Variants in GALNTL6 observed in about 807,000 individuals in gnomAD.
The protein encoded by GALNTL6 is polypeptide N-acetylgalactosaminyltransferase-like 6.
In GALNTL6, 46 loss-of-function variants were observed where a neutral mutation model predicts 73.7. That is an observed-to-expected ratio of 0.62 (90% CI 0.49 to 0.80). The LOEUF (loss-of-function observed/expected upper bound fraction) is 0.80. GALNTL6 is among the 30% of genes least tolerant of loss of function. The pLI is 0.00. For missense variants in GALNTL6, 604 were observed against 755.0 expected (o/e 0.80, Z 2.34); for synonymous variants, 259 against 263.7 (o/e 0.98, Z 0.17).
At chr4:172,581,607 A>AC (rs1470160356) in intron 5 of GALNTL6, among the ~76,000 whole-genome samples, 1 of 152,074 alleles carries the variant, frequency 6.6e-6, no homozygotes, top group African/African-American at 2.4e-5. Context: ...TCCTTCCTGG[A>AC]CCCAACCACA....
At chr4:172,845,385 C>G (rs952238148) in intron 7 of GALNTL6, among the ~76,000 whole-genome samples, 6 of 152,064 alleles carry the variant, frequency 3.9e-5, no homozygotes, top group Non-Finnish European at 7.4e-5. Context: ...GTGCACTACT[C>G]TTATGTAGAG....
intron 2 of GALNTL6, among the ~76,000 whole-genome samples, chr4:171,852,405 C>T (rs1189068524): frequency 1.3e-5 from 2 of 151,898 alleles, no homozygotes; most frequent in Non-Finnish European, 2.9e-5. Context: ...CTTAAAGAAA[C>T]TTGAAAACTA....
intron 5 of GALNTL6, among the ~76,000 whole-genome samples, chr4:172,578,102 A>G (rs1025973983): frequency 2.0e-5 from 3 of 152,204 alleles, no homozygotes; most frequent in Non-Finnish European, 4.4e-5. Context: ...TGAGATAGGC[A>G]GTACTCATGT....
At chr4:172,400,941 C>A (rs1744012753) in intron 5 of GALNTL6, among the ~76,000 whole-genome samples, 1 of 152,008 alleles carries the variant, frequency 6.6e-6, no homozygotes, top group African/African-American at 2.4e-5. Context: ...GAAATGAAAC[C>A]TAGGTCCAAA....
At chr4:172,364,524 G>A (rs1416123532) in intron 5 of GALNTL6, among the ~76,000 whole-genome samples, 3 of 152,148 alleles carry the variant, frequency 2.0e-5, no homozygotes, top group Non-Finnish European at 2.9e-5. Context: ...TATTTAAATT[G>A]AAAAACCCTT....
intron 5 of GALNTL6, among the ~76,000 whole-genome samples, chr4:172,366,246 G>T (rs1034821628): frequency 6.6e-6 from 1 of 152,052 alleles, no homozygotes; most frequent in African/African-American, 2.4e-5. Context: ...CTGAATTTCA[G>T]AAAAAATGTT....
intron 11 of GALNTL6, among the ~76,000 whole-genome samples, chr4:173,010,205 C>A (rs947078147): frequency 1.3e-5 from 2 of 152,172 alleles, no homozygotes; most frequent in African/African-American, 4.8e-5. Context: ...CTACTATCAT[C>A]TCCATGGGTT....
chr4:172,958,865 G>C (rs1278049518), intron 10 of GALNTL6, among the ~76,000 whole-genome samples: 1 of 152,162 alleles, frequency 6.6e-6, no homozygotes, highest in East Asian at 1.9e-4. Context: ...ATCCAGAATA[G>C]AATAATGGGT....
chr4:172,818,032 A>G (rs1397080760), intron 7 of GALNTL6, among the ~76,000 whole-genome samples: 1 of 152,200 alleles, frequency 6.6e-6, no homozygotes. Flanking sequence ...TCCAGGCTAC[A>G]TATTTTCAGT....
chr4:171,995,305 G>A lies in GALNTL6; in HGVS notation c.138+180587G>A, dbSNP rs1001860855. 1.4e-4 allele frequency among the ~76,000 whole-genome samples: 21 copies of A among 151,924 alleles called. No individual in the cohort carries two copies. In the South Asian group the frequency reaches 2.1e-3, roughly 15 times the overall value. On this transcript the variant is annotated intron_variant, in intron 2 of 12. Transcript: ENST00000506823. ...TGGATGAAAACTTTACATTTTAACC[G>A]TTTAAATATTTATTTGTTTCCATCC...
chr4:172,287,765 TAATGC>T (rs1561007383), intron 3 of GALNTL6, among the ~76,000 whole-genome samples: 1 of 152,152 alleles, frequency 6.6e-6, no homozygotes, highest in Non-Finnish European at 1.5e-5. Context: ...TGCTTTGAAA[TAATGC>T]TTAAAGGATC....
chr4:172,722,572 T>C (rs1735544242), intron 5 of GALNTL6, among the ~76,000 whole-genome samples: 1 of 152,102 alleles, frequency 6.6e-6, no homozygotes, highest in Non-Finnish European at 1.5e-5. Context: ...TTAAAATGCA[T>C]GTGAATATAC....
At chr4:172,091,595 G>T (rs764321354) in intron 2 of GALNTL6, among the ~76,000 whole-genome samples, 2 of 152,050 alleles carry the variant, frequency 1.3e-5, no homozygotes, top group Non-Finnish European at 2.9e-5. Context: ...CTGATAACAT[G>T]ACGTTCCAGT....
At chr4:172,679,264 G>A (rs1206381002) in intron 5 of GALNTL6, among the ~76,000 whole-genome samples, 1 of 151,956 alleles carries the variant, frequency 6.6e-6, no homozygotes, top group Non-Finnish European at 1.5e-5. Flanking sequence ...ATACAAAATT[G>A]GCCTGGTGTG....
intron 4 of GALNTL6, among the ~76,000 whole-genome samples, chr4:172,313,412 G>A (rs1046104004): frequency 5.9e-5 from 9 of 152,052 alleles, no homozygotes; most frequent in Non-Finnish European, 1.0e-4. Context: ...CTGAGCCACC[G>A]TGCCCGGTCC....
intron 4 of GALNTL6, among the ~76,000 whole-genome samples, chr4:172,315,973 A>C (rs1378753297): frequency 6.6e-6 from 1 of 152,108 alleles, no homozygotes; most frequent in Non-Finnish European, 1.5e-5. Context: ...GAAATAGAAA[A>C]CTATGTAAAA....
intron 7 of GALNTL6, among the ~76,000 whole-genome samples, chr4:172,872,466 T>C (rs575326032): frequency 6.6e-6 from 1 of 152,330 alleles, no homozygotes. Flanking sequence ...TAAATCAGCA[T>C]GCTTGAGTTT....
intron 7 of GALNTL6, among the ~76,000 whole-genome samples, chr4:172,858,567 T>C (rs1459155): frequency 0.63 from 95,538 of 151,580 alleles, 32,392 homozygotes; most frequent in East Asian, 0.91. Flanking sequence ...TAGTGGCTCA[T>C]GCCTGTAATC....
chr4:172,232,341 A>G (rs1737099650), intron 3 of GALNTL6, among the ~76,000 whole-genome samples: 1 of 152,058 alleles, frequency 6.6e-6, no homozygotes, highest in Non-Finnish European at 1.5e-5. Context: ...ATTTTACTGT[A>G]TGACTTTCTT....
Sources: allele counts gnomAD v4.1 joint callset (sites outside exome capture counted in the v4.1 genomes callset), GRCh38; gene constraint gnomAD v4.1.1; transcripts MANE v1.5; gene names NCBI Gene and HGNC (gene_info 2026-07-23, HGNC 2026-07-21).